The following DCDC1 variants were observed in gnomAD, a reference collection of about 807,000 sequenced individuals.
The protein encoded by DCDC1 is doublecortin domain containing 1.
DCDC1 carries 200 observed loss-of-function variants against 178.3 expected under a neutral mutation model. That is an observed-to-expected ratio of 1.12 (90% confidence interval 1.00 to 1.26). The LOEUF (loss-of-function observed/expected upper bound fraction) is 1.26, where lower values mean the gene tolerates loss of function less well. Ranked by LOEUF, DCDC1 falls within the 50% of genes most tolerant of loss-of-function variation. The probability of loss-of-function intolerance (pLI) is 0.00; values close to 1 mark genes in which losing one functional copy is unlikely to be tolerated. For missense variants in DCDC1, 1,983 were observed against 1,749.2 expected (o/e 1.13, Z -2.38); for synonymous variants, 690 against 604.8 (o/e 1.14, Z -2.07).
At chr11:31,300,897 A>T (rs933687336) in intron 6 of DCDC1, among the ~76,000 whole-genome samples, 1 of 152,172 alleles carries the variant, frequency 6.6e-6, no homozygotes, top group Non-Finnish European at 1.5e-5. Context: ...GGTTATGTCA[A>T]GAATTTAGGT....
At chr11:30,893,115 A>G in intron 35 of DCDC1, 118 bp from the exon 36 acceptor site, 1 of 1,159,410 alleles carries the variant, frequency 8.6e-7, no homozygotes, top group Non-Finnish European at 1.2e-6. Flanking sequence ...AAAAAATTTT[A>G]GGAAGTAACT....
intron 15 of DCDC1, among the ~76,000 whole-genome samples, chr11:31,098,920 A>T (rs1421082891): frequency 6.6e-6 from 1 of 152,220 alleles, no homozygotes; most frequent in African/African-American, 2.4e-5. Flanking sequence ...TAAAATTTTT[A>T]AAAACTAAAA....
intron 1 of DCDC1, among the ~76,000 whole-genome samples, chr11:31,338,195 T>C (rs936212080): frequency 6.6e-6 from 1 of 152,190 alleles, no homozygotes; most frequent in East Asian, 1.9e-4. Context: ...CCTAGCAGAA[T>C]TGATAACCAC....
At chr11:31,219,325 A>G (rs180706621) in intron 9 of DCDC1, among the ~76,000 whole-genome samples, 16 of 152,314 alleles carry the variant, frequency 1.1e-4, no homozygotes, top group African/African-American at 3.8e-4. Context: ...CATTAAGAAA[A>G]TAAGACTCAC....
At chr11:31,306,424 C>G in intron 4 of DCDC1, 36 bp from the exon 5 acceptor site, 1 of 1,548,636 alleles carries the variant, frequency 6.5e-7, no homozygotes, top group Non-Finnish European at 8.7e-7. Context: ...TTGATGCATG[C>G]TAATTAGTGA....
intron 1 of DCDC1, among the ~76,000 whole-genome samples, chr11:31,344,381 A>G (rs1285270723): frequency 6.6e-6 from 1 of 151,996 alleles, no homozygotes; most frequent in Non-Finnish European, 1.5e-5. Flanking sequence ...CCCCTCTGAT[A>G]CCCCCACCTA....
intron 20 of DCDC1, among the ~76,000 whole-genome samples, chr11:31,002,077 C>T (rs908244432): frequency 2.0e-5 from 3 of 152,160 alleles, no homozygotes; most frequent in African/African-American, 7.2e-5. Context: ...CAACAATTAG[C>T]TGGAAAATTA....
chr11:31,110,048 G>T (rs1959102345), intron 12 of DCDC1, among the ~76,000 whole-genome samples: 1 of 152,102 alleles, frequency 6.6e-6, no homozygotes, highest in Non-Finnish European at 1.5e-5. Context: ...CATGAAGAAG[G>T]TTAAGAAACC....
chr11:31,180,697 C>T (rs778278119), intron 9 of DCDC1, among the ~76,000 whole-genome samples: 20 of 152,304 alleles, frequency 1.3e-4, no homozygotes, highest in Middle Eastern at 3.4e-3. Flanking sequence ...CCATGGCCTT[C>T]GCAACCCACA....
At chr11:30,893,843 A>G (rs1486862028) in intron 35 of DCDC1, among the ~76,000 whole-genome samples, 1 of 152,132 alleles carries the variant, frequency 6.6e-6, no homozygotes, top group Non-Finnish European at 1.5e-5. Context: ...CACTTCTTTA[A>G]TTCTTCACTT....
chr11:30,921,873 T>G (rs163887), intron 24 of DCDC1, among the ~76,000 whole-genome samples: 2,844 of 152,128 alleles, frequency 0.019, 91 homozygotes, highest in African/African-American at 0.066. Flanking sequence ...AGAATCTTTT[T>G]GGGGAGCTTT....
chr11:31,369,411 C>T (rs1397001567), intron 1 of DCDC1, among the ~76,000 whole-genome samples: 2 of 152,158 alleles, frequency 1.3e-5, no homozygotes, highest in Admixed American at 6.5e-5. Flanking sequence ...CGAATTAGAA[C>T]ATTGTAAAGG....
At chr11:31,327,503 T>C (rs1316067300) in intron 3 of DCDC1, among the ~76,000 whole-genome samples, 1 of 152,106 alleles carries the variant, frequency 6.6e-6, no homozygotes, top group Non-Finnish European at 1.5e-5. Flanking sequence ...ATTGATATAA[T>C]GCAGGTTAAG....
intron 20 of DCDC1, among the ~76,000 whole-genome samples, chr11:30,979,469 G>T (rs1475143671): frequency 6.6e-6 from 1 of 152,146 alleles, no homozygotes; most frequent in African/African-American, 2.4e-5. Context: ...CATGCCCAGG[G>T]AATGTCCCAT....
intron 2 of DCDC1, among the ~76,000 whole-genome samples, chr11:31,334,786 G>T (rs1265408559): frequency 6.6e-6 from 1 of 152,154 alleles, no homozygotes; most frequent in Non-Finnish European, 1.5e-5. Flanking sequence ...TCGTCCCAGA[G>T]GGGTACCCGC....
chr11:30,879,401 T>G (rs1272215079), intron 37 of DCDC1, among the ~76,000 whole-genome samples: 1 of 152,190 alleles, frequency 6.6e-6, no homozygotes, highest in Non-Finnish European at 1.5e-5. Context: ...AAATGAGTAT[T>G]ACTTACTTAA....
chr11:30,986,586 C>T (rs996610689), intron 20 of DCDC1, among the ~76,000 whole-genome samples: 1 of 152,162 alleles, frequency 6.6e-6, no homozygotes. Context: ...CCACCTCGGC[C>T]TCCCAAAGTG....
chr11:30,955,477 G>A (rs1308774677), intron 20 of DCDC1, among the ~76,000 whole-genome samples: 1 of 152,032 alleles, frequency 6.6e-6, no homozygotes, highest in African/African-American at 2.4e-5. Flanking sequence ...TGGCCTCTCA[G>A]GGCCTCCCAA....
chr11:31,151,982 G>C (rs1965217583), intron 9 of DCDC1, among the ~76,000 whole-genome samples: 1 of 152,184 alleles, frequency 6.6e-6, no homozygotes, highest in African/African-American at 2.4e-5. Context: ...TGATAATTAT[G>C]TGGTAATGGA....
Sources: allele counts gnomAD v4.1 joint callset (sites outside exome capture counted in the v4.1 genomes callset), GRCh38; gene constraint gnomAD v4.1.1; transcripts MANE v1.5; gene names NCBI Gene and HGNC (gene_info 2026-07-23, HGNC 2026-07-21).